The following COL4A3 variants were observed in gnomAD, a reference collection of about 807,000 sequenced individuals.
The protein encoded by COL4A3 is collagen alpha-3(IV) chain.
A neutral mutation model predicts 217.4 loss-of-function variants in COL4A3; 135 were observed. The ratio of observed to expected loss-of-function variants is 0.62; its 90% CI spans 0.54 to 0.72. The LOEUF (loss-of-function observed/expected upper bound fraction) is 0.72. Ranked by LOEUF, COL4A3 falls within the 30% of genes least tolerant of loss-of-function variation. COL4A3 has a pLI of 0.00. For missense variants in COL4A3, 1,868 were observed against 2,119.9 expected (o/e 0.88, Z 2.33); for synonymous variants, 690 against 736.3 (o/e 0.94, Z 1.02).
At chr2:227,302,343 G>A (rs1003889812) in intron 43 of COL4A3, among the ~76,000 whole-genome samples, 3 of 152,048 alleles carry the variant, frequency 2.0e-5, no homozygotes, top group East Asian at 3.9e-4. Context: ...ACTCAACAAC[G>A]GTTTTGTTGT....
intron 18 of COL4A3, 121 bp downstream of exon 18, chr2:227,257,765 T>TTGACAACAAG: frequency 1.1e-6 from 1 of 938,994 alleles, no homozygotes; most frequent in Non-Finnish European, 1.7e-6. Context: ...TTTACCTTGT[T>TTGACAACAAG]GTCAAACCAG....
intron 41 of COL4A3, chr2:227,296,455 A>C (rs1270394471): frequency 1.0e-6 from 1 of 957,062 alleles, no homozygotes; most frequent in Non-Finnish European, 1.2e-6. Flanking sequence ...CTAATTATGT[A>C]AGTGAATGAT....
intron 48 of COL4A3, among the ~76,000 whole-genome samples, chr2:227,308,585 C>T (rs558410262): frequency 7.9e-5 from 12 of 152,330 alleles, no homozygotes; most frequent in Admixed American, 3.9e-4. Flanking sequence ...CTATTATGTA[C>T]ATATGAATAA....
At position 227,282,511 on chromosome 2, in the gene COL4A3, C is replaced by A; in HGVS notation, c.2635C>A (p.Pro879Thr). The A allele has an allele frequency of 6.2e-7, 1 of 1,613,614 alleles. No individual in the cohort carries two copies. The highest frequency in any genetic ancestry group is 8.5e-7 in the Non-Finnish European group (1 of 1,179,860). Reference protein sequence around the residue: ...PLGQRGYPGNPGILGPPGEDG... With the variant: ...PLGQRGYPGNTGILGPPGEDG... ...GGGTCAAAGAGGATATCCAGGAAAT[C>A]CGGGAATTTTAGGGCCACCAGGTAT... Residue 879 changes from proline to threonine, a missense_variant, in exon 32 of 52, where the codon CCG becomes ACG. By Grantham distance (38) the Pro-to-Thr change is conservative (BLOSUM62 -1). This residue lies in a region of COL4A3 where 1,503 missense variants were observed against 1,786.1 expected (regional missense o/e 0.84). Transcript: ENST00000396578. The surrounding 1 kb of genome is among the most constrained non-coding windows in gnomAD (Gnocchi z 4.4).
chr2:227,301,817 C>T (rs1255004424), intron 43 of COL4A3: 1 of 152,240 alleles, frequency 6.6e-6, no homozygotes, highest in Non-Finnish European at 1.5e-5. Flanking sequence ...AACAGGCAGA[C>T]ATCAGAAGCC....
intron 20 of COL4A3, among the ~76,000 whole-genome samples, 189 bp downstream of exon 20, chr2:227,261,306 C>A (rs1293686541): frequency 6.6e-6 from 1 of 152,178 alleles, no homozygotes; most frequent in Admixed American, 6.5e-5. Context: ...AGGTGGATCA[C>A]CTGAGGTCAG....
intron 1 of COL4A3, among the ~76,000 whole-genome samples, chr2:227,179,016 A>G (rs529348912): frequency 2.0e-5 from 3 of 152,292 alleles, no homozygotes; most frequent in Admixed American, 1.3e-4. Context: ...CAGTGGTGCA[A>G]TCTTGGCTCA....
At chr2:227,172,368 G>A (rs952514893) in intron 1 of COL4A3, among the ~76,000 whole-genome samples, 15 of 152,092 alleles carry the variant, frequency 9.9e-5, no homozygotes, top group Non-Finnish European at 1.5e-5. Context: ...GTAACAAAAT[G>A]TCTGGGTGCT....
chr2:227,294,782 T>G (rs963349553), intron 39 of COL4A3, among the ~76,000 whole-genome samples, 182 bp from the exon 40 acceptor site: 1 of 152,204 alleles, frequency 6.6e-6, no homozygotes, highest in African/African-American at 2.4e-5. Flanking sequence ...CTCATGATAA[T>G]AGTAATCTGT....
rs1323449163 is a variant in COL4A3, at chr2:227,290,923, G to A, written c.3210+37G>A. ...ACTGAAATATTTACATTTTAGTGGT[G>A]GAGTGAGTGCCTTGAAAAATATCAA... On this transcript the variant is annotated intron_variant, in intron 37 of 51. Transcript: ENST00000396578. 4 of 1,590,990 alleles carry A rather than the reference G, an allele frequency of 2.5e-6. 1 individual carries two copies. Among genetic ancestry groups the A allele is most frequent in the South Asian group, 2.3e-5 (2 of 88,324 alleles).
At position 227,273,099 on chromosome 2, in the gene COL4A3, G is replaced by A. The variant is rs761686437; in HGVS notation, c.1909G>A (p.Gly637Arg). 3.1e-6 allele frequency: 5 copies of A among 1,613,730 alleles called. No individual in the cohort carries two copies. Among genetic ancestry groups the A allele is most frequent in the East Asian group, 2.2e-5 (1 of 44,884 alleles). Residue 637 changes from glycine (G) to arginine (R), a missense_variant, in exon 26 of 52, where the codon GGA becomes AGA. This residue lies in a region of COL4A3 where 1,503 missense variants were observed against 1,786.1 expected (regional missense o/e 0.84). Transcript: ENST00000396578. ...CACGCAAGGAGTTCCTGGAGCCCCC[G>A]GACCACCCGGAGAAGCCGGTTGGTT... ...QGTQGVPGAP[G>R]PPGEAGPRGE... is the part of the protein sequence containing the mutation.
In COL4A3 at chr2:227,290,041, C is replaced by A. The variant is rs981689853; in HGVS notation, c.3023C>A (p.Pro1008Gln). 2 of 1,614,006 alleles carry A rather than the reference C, an allele frequency of 1.2e-6. No individual in the cohort carries two copies. The highest frequency in any genetic ancestry group is 1.7e-5 in the Admixed American group (1 of 59,998). ...GGCAGCACTGGGAATCCTGGAGAAC[C>A]AGGACTGCGTGGTATACCAGGAAGC... ...DLGSTGNPGEPGLRGIPGSMG... is the reference protein window; with the variant it reads ...DLGSTGNPGEQGLRGIPGSMG... Residue 1008 changes from proline to glutamine, a missense_variant, in exon 36 of 52, where the codon CCA (proline) becomes CAA (glutamine). Pro to Gln is a moderately conservative substitution (Grantham distance 76). Transcript: ENST00000396578.
chr2:227,270,924 A>T lies in COL4A3; in HGVS notation c.1730A>T (p.Lys577Ile). Residue 577 changes from lysine (K) to isoleucine (I), a missense_variant, in exon 25 of 52, where the codon AAA becomes ATA. Lys to Ile is a moderately radical substitution (Grantham distance 102). Transcript: ENST00000396578. ...LDGIPGTPGV[K>I]GLPGPKGELA... is the part of the protein sequence containing the mutation. ...GGAATTCCTGGAACTCCGGGAGTGA[A>T]AGGATTACCAGGACCTAAAGGCGAA... 2 of 1,614,158 alleles carry T rather than the reference A, an allele frequency of 1.2e-6. 1 individual carries two copies.
chr2:227,189,706 C>T (rs1230471252), intron 1 of COL4A3, among the ~76,000 whole-genome samples: 2 of 152,098 alleles, frequency 1.3e-5, no homozygotes, highest in Non-Finnish European at 2.9e-5. Context: ...ATAGAGTAAA[C>T]CATTTTACAT....
Position 227,279,937 on chromosome 2 carries a change from T to C in COL4A3, c.2223+47T>C, listed in dbSNP as rs2071845941. On this transcript the variant is annotated intron_variant, in intron 29 of 51. Transcript: ENST00000396578. Reference sequence around the variant, plus strand: ...CACAGAAGAGAGGGTGGGTGACCATTAACTGGCCAGTTTGTATGCACTTAT... The same window carrying C: ...CACAGAAGAGAGGGTGGGTGACCATCAACTGGCCAGTTTGTATGCACTTAT... The C allele has an allele frequency of 4.5e-6, 6 of 1,344,590 alleles. No individual in the cohort carries two copies. In the East Asian group the frequency reaches 1.4e-4, roughly 32 times the overall value. The allele number at this position is 1,344,590 out of a possible 1,614,324, so 83.3% of individuals were successfully genotyped here.
At chr2:227,167,747 T>C (rs552543326) in intron 1 of COL4A3, among the ~76,000 whole-genome samples, 59 of 152,200 alleles carry the variant, frequency 3.9e-4, no homozygotes, top group Non-Finnish European at 7.2e-4. Flanking sequence ...ATCCCTGAGA[T>C]TAAGCAAGTA....
At chr2:227,294,466 T>A (rs1222766470) in intron 38 of COL4A3, 24 bp from the exon 39 acceptor site, 1 of 1,470,160 alleles carries the variant, frequency 6.8e-7, no homozygotes, top group East Asian at 2.3e-5. Flanking sequence ...TCTTTTTTCT[T>A]CCTTCCCCTC....
intron 1 of COL4A3, among the ~76,000 whole-genome samples, chr2:227,231,038 G>A (rs2068374423): frequency 6.6e-6 from 1 of 152,172 alleles, no homozygotes. Flanking sequence ...AATTAAAGCT[G>A]GAATTATTTT....
chr2:227,259,132 T>C (rs747057381), intron 18 of COL4A3: 2 of 152,180 alleles, frequency 1.3e-5, no homozygotes, highest in Non-Finnish European at 2.9e-5. Flanking sequence ...ACTGTATATT[T>C]TCTTATATTC....
Sources: allele counts gnomAD v4.1 joint callset (sites outside exome capture counted in the v4.1 genomes callset), GRCh38; gene constraint gnomAD v4.1.1; regional missense constraint gnomAD v4.1.1; non-coding constraint Gnocchi (gnomAD v3.1); transcripts MANE v1.5; gene names NCBI Gene and HGNC (gene_info 2026-07-23, HGNC 2026-07-21).